The following GCKR variants were observed in gnomAD, a reference collection of about 807,000 sequenced individuals.
GCKR encodes the protein glucokinase regulatory protein.
A neutral mutation model predicts 82.9 loss-of-function variants in GCKR; 73 were observed. That is an observed-to-expected ratio of 0.88 (90% CI 0.73 to 1.07). The LOEUF is 1.07. GCKR is among the 50% of genes least tolerant of loss of function. The pLI is 0.00. For synonymous variants in GCKR, 294 were observed against 291.8 expected (o/e 1.01, Z -0.08); for missense variants, 784 against 782.1 (o/e 1.00, Z -0.03).
chr2:27,497,006 A>T (rs890373343), intron 1 of GCKR, 42 bp downstream of exon 1: 1 of 1,516,774 alleles, frequency 6.6e-7, no homozygotes, highest in East Asian at 2.2e-5. Context: ...GCTGATTCCT[A>T]GAATTATTTT....
chr2:27,497,902 A>G (rs945238219), intron 3 of GCKR, among the ~76,000 whole-genome samples: 1 of 152,246 alleles, frequency 6.6e-6, no homozygotes, highest in Non-Finnish European at 1.5e-5. Context: ...AGATGAAAAA[A>G]CAAAGATTTA....
chr2:27,506,375 A>G (rs757525040), intron 10 of GCKR, 106 bp from the exon 11 acceptor site: 90 of 794,150 alleles, frequency 1.1e-4, no homozygotes, highest in Non-Finnish European at 1.4e-4. Context: ...GACCAGCAGA[A>G]TTTAGTTCTA....
chr2:27,508,630 C>T (rs768169362), intron 16 of GCKR, among the ~76,000 whole-genome samples: 1 of 152,222 alleles, frequency 6.6e-6, no homozygotes, highest in South Asian at 2.1e-4. Flanking sequence ...AAGTGATTCT[C>T]GTGCCTCAAG....
intron 12 of GCKR, 120 bp from the exon 13 acceptor site, chr2:27,507,115 C>G: frequency 4.9e-6 from 4 of 814,496 alleles, no homozygotes; most frequent in Non-Finnish European, 8.8e-6. Flanking sequence ...AAGGGCTACT[C>G]CTCACTCTAC....
At position 27,523,398 on chromosome 2, in the gene GCKR, A is replaced by AG; in HGVS notation, c.1837_1838insG (p.Thr613SerfsTer11). 3 of 1,611,068 alleles carry AG rather than the reference A, an allele frequency of 1.9e-6. No homozygotes were observed. In the South Asian group the frequency reaches 3.3e-5, roughly 18 times the overall value. ...TCTTGCTGGGCCAGGTCAGAAGCGC[A>AG]CTGCGGACCCCCTCGAGATCCTAGA... On this transcript the variant is annotated frameshift_variant, in exon 19 of 19. Coordinates refer to ENST00000264717, the MANE Select transcript of GCKR (RefSeq NM_001486.4). LOFTEE classifies it high-confidence loss of function.
At chr2:27,511,460 G>A (rs1295934117) in intron 16 of GCKR, among the ~76,000 whole-genome samples, 1 of 151,770 alleles carries the variant, frequency 6.6e-6, no homozygotes. Context: ...ACTTTGGGAT[G>A]CCAAGGCGGG....
intron 8 of GCKR, 71 bp downstream of exon 8, chr2:27,501,300 A>G (rs1669570365): frequency 1.1e-6 from 1 of 939,886 alleles, no homozygotes; most frequent in Non-Finnish European, 1.8e-6. Context: ...CTACAGTACA[A>G]CCACAAGGGA....
chr2:27,508,230 A>T lies in GCKR; in HGVS notation c.1401A>T (p.Glu467Asp). 1 of 1,607,514 alleles carries T rather than the reference A, an allele frequency of 6.2e-7. No individual in the cohort carries two copies. The highest frequency in any genetic ancestry group is 1.1e-5 in the South Asian group (1 of 90,960). ...ISITWPLLFF[E>D]YEGNFIQKFQ... ...TCACATGGCCACTGCTTTTCTTTGAATATGAAGGGAACTTCATCCAGGTAT... is the reference window on the plus strand; with the variant it reads ...TCACATGGCCACTGCTTTTCTTTGATTATGAAGGGAACTTCATCCAGGTAT... The change falls in exon 16 of 19, where the codon GAA becomes GAT. Residue 467 changes from glutamate (E) to aspartate (D), a missense_variant. Glu to Asp is a conservative substitution (Grantham distance 45, BLOSUM62 2). Transcript: ENST00000264717.
rs41291159 is a variant in GCKR at position 27,523,527 on chromosome 2, G to T, written c.*88G>T. ...GGGGACTTGTGCCAGCAGAACATGT[G>T]GGAGGAAGAAGCCCCGTTTCCAGGG... On this transcript the variant is annotated 3_prime_UTR_variant, in exon 19 of 19. Coordinates refer to ENST00000264717, the MANE Select transcript of GCKR (RefSeq NM_001486.4). 6,687 of 1,365,436 alleles carry T rather than the reference G, an allele frequency of 4.9e-3. 24 individuals carry two copies. Among genetic ancestry groups the T allele is most frequent in the Non-Finnish European group, 6.1e-3 (5,948 of 970,312 alleles). 84.6% of individuals were successfully genotyped at this position (1,365,436 alleles called of 1,614,324 possible).
At chr2:27,518,975 CCT>C in intron 17 of GCKR, 38 bp downstream of exon 17, 2 of 1,569,202 alleles carry the variant, frequency 1.3e-6, no homozygotes, top group Non-Finnish European at 1.8e-6. Context: ...TGGGACCTGG[CCT>C]CAATGCTTAG....
At chr2:27,498,957 G>T (rs1481070430) in intron 5 of GCKR, among the ~76,000 whole-genome samples, 160 bp downstream of exon 5, 1 of 152,174 alleles carries the variant, frequency 6.6e-6, no homozygotes, top group Non-Finnish European at 1.5e-5. Flanking sequence ...TATGTCGCCT[G>T]ACTGGCTGTT....
intron 16 of GCKR, among the ~76,000 whole-genome samples, chr2:27,515,766 T>TATATATA (rs1491545989): frequency 2.7e-5 from 2 of 73,956 alleles, no homozygotes; most frequent in African/African-American, 6.0e-5. Flanking sequence ...TATATATATA[T>TATATATA]TTTTTTTTTT....
At chr2:27,507,625 G>T in intron 13 of GCKR, 56 bp from the exon 14 acceptor site, 1 of 943,654 alleles carries the variant, frequency 1.1e-6, no homozygotes, top group Non-Finnish European at 1.8e-6. Context: ...TAGTCCTCAA[G>T]TCTGTGCTTT....
Position 27,496,848 on chromosome 2 carries a change from A to AGAG in GCKR, c.-55_-53dup. ...AACTGGAAGCAGAGTCATTGTGACC[A>AGAG]GAGGGGTTTGTGTGGCTGAAGAGGC... On this transcript the variant is annotated 5_prime_UTR_variant, in exon 1 of 19. Coordinates refer to ENST00000264717, the MANE Select transcript of GCKR (RefSeq NM_001486.4). 2 of 1,394,928 alleles carry AGAG rather than the reference A, an allele frequency of 1.4e-6. No homozygotes were observed. Among genetic ancestry groups the AGAG allele is most frequent in the Non-Finnish European group, 2.0e-6 (2 of 980,214 alleles). 86.4% of individuals were successfully genotyped at this position (1,394,928 alleles called of 1,614,324 possible). A position where few individuals can be genotyped will look rare whatever the true frequency, so the allele number is the denominator to read the frequency against.
intron 16 of GCKR, among the ~76,000 whole-genome samples, chr2:27,511,592 G>A (rs578045922): frequency 1.3e-5 from 2 of 151,868 alleles, no homozygotes; most frequent in South Asian, 2.1e-4. Context: ...CCAGCTAGTC[G>A]GGAGGCTGAG....
rs1669716938 is a variant in GCKR at position 27,505,729 on chromosome 2, C to T, written c.762C>T (p.Leu254=). Residue 254 remains leucine (L), a synonymous_variant, in exon 10 of 19, where the codon CTC becomes CTT. Transcript: ENST00000264717. ...VLNPAIGPEG[L]SGSSRMKGGS... is the part of the protein sequence containing the mutation. ...CTTCACCTCTTCAGCCCGAGGGTCT[C>T]AGCGGCTCCTCCCGGATGAAAGGTG... 6.2e-7 allele frequency: 1 copy of T among 1,602,174 alleles called. No individual in the cohort carries two copies. The highest frequency in any genetic ancestry group is 8.6e-7 in the Non-Finnish European group (1 of 1,169,314).
intron 17 of GCKR, among the ~76,000 whole-genome samples, chr2:27,521,855 T>C (rs1194743436): frequency 6.6e-6 from 1 of 152,118 alleles, no homozygotes; most frequent in Admixed American, 6.6e-5. Flanking sequence ...CCTGAGTAGC[T>C]GGGACGATAG....
At position 27,507,261 on chromosome 2, in the gene GCKR, A is replaced by G. The variant is rs763134837; in HGVS notation, c.1093A>G (p.Ile365Val). The change falls in exon 13 of 19, where the codon ATT becomes GTT. Residue 365 changes from isoleucine to valine, a missense_variant. Ile to Val is a conservative substitution (Grantham distance 29). Transcript: ENST00000264717. ...TTTCCGAGATGTCCGTGGCTTTCTC[A>G]TTGGTGATCACAGTGACATGTTTAA... ...ADFRDVRGFL[I>V]GDHSDMFNQK... 6.2e-7 allele frequency: 1 copy of G among 1,612,776 alleles called. No individual in the cohort carries two copies. The highest frequency in any genetic ancestry group is 1.6e-4 in the Middle Eastern group (1 of 6,062).
intron 16 of GCKR, chr2:27,509,775 CAAA>C (rs11295580): frequency 2.4e-5 from 3 of 124,958 alleles, no homozygotes; most frequent in Admixed American, 8.3e-5. Context: ...CTACCATCTT[CAAA>C]AAAAAAAAAA....
Sources: gnomAD v4.1 joint callset for allele counts (sites outside exome capture counted in the v4.1 genomes callset) on GRCh38, gnomAD v4.1.1 for gene constraint, MANE v1.5 for transcripts, NCBI Gene and HGNC (gene_info 2026-07-23, HGNC 2026-07-21) for gene names.